THOC5: variants seen among roughly 807,000 people sequenced by gnomAD.
THOC5 encodes the protein Fms-interacting protein.
A neutral mutation model predicts 92.9 loss-of-function variants in THOC5; 43 were observed. The ratio of observed to expected loss-of-function variants is 0.46; its 90% CI spans 0.36 to 0.60. The LOEUF (loss-of-function observed/expected upper bound fraction) is 0.60, where lower values mean the gene tolerates loss of function less well. Ranked by LOEUF, THOC5 falls within the 20% of genes least tolerant of loss-of-function variation. The pLI is 0.00. For missense variants in THOC5, 659 were observed against 849.4 expected, an observed-to-expected ratio of 0.78 and a Z score of 2.79; for synonymous variants, 296 against 320.1, an observed-to-expected ratio of 0.92 and a Z score of 0.80.
intron 9 of THOC5, chr22:29,528,802 G>A (rs2063595706): frequency 2.0e-6 from 1 of 501,028 alleles, no homozygotes; most frequent in Admixed American, 3.6e-5. Flanking sequence ...CATAACTTGA[G>A]GGGGTACTAT....
intron 17 of THOC5, among the ~76,000 whole-genome samples, 165 bp from the exon 18 acceptor site, chr22:29,512,301 T>C (rs943916468): frequency 2.0e-5 from 3 of 152,200 alleles, no homozygotes; most frequent in African/African-American, 7.2e-5. Context: ...CTAAGTGGAA[T>C]TGCCAGCTTG....
At chr22:29,536,487 G>A in intron 7 of THOC5, 137 bp downstream of exon 7, 1 of 613,944 alleles carries the variant, frequency 1.6e-6, no homozygotes, top group Non-Finnish European at 2.9e-6. Flanking sequence ...CACCAACTGG[G>A]TAGGGATGCA....
intron 7 of THOC5, chr22:29,535,237 TG>T (rs2063735907): frequency 7.7e-6 from 1 of 129,964 alleles, no homozygotes; most frequent in East Asian, 2.3e-4. Flanking sequence ...CACTCCAGCC[TG>T]TGCGACAGAG....
At chr22:29,528,330 C>T in intron 10 of THOC5, 96 bp downstream of exon 10, 1 of 1,614,026 alleles carries the variant, frequency 6.2e-7, no homozygotes, top group African/African-American at 1.3e-5. Context: ...CCTTCTTTCA[C>T]ACCTCTTCTG....
chr22:29,517,334 G>A lies in THOC5; in HGVS notation c.1522C>T (p.Gln508Ter). The A allele has an allele frequency of 6.2e-7, 1 of 1,614,204 alleles. No individual in the cohort carries two copies. The highest frequency in any genetic ancestry group is 8.5e-7 in the Non-Finnish European group (1 of 1,180,038). ...ACAACCTTGGCAGGGAAGAGGTACT[G>A]GCAATCACTGGTAACTGGCACAATG... ...HGIVPVTSDC[Q>*]YLFPAKVVSR... is the part of the protein sequence containing the mutation. The change falls in exon 16 of 20, where the codon CAG becomes TAG. Residue 508 changes from glutamine to a stop codon, truncating the protein, a stop_gained. Coordinates refer to ENST00000490103, the MANE Select transcript of THOC5 (RefSeq NM_003678.5). LOFTEE classifies it high-confidence loss of function.
At chr22:29,529,120 G>C in intron 9 of THOC5, 42 bp downstream of exon 9, 1 of 1,600,030 alleles carries the variant, frequency 6.2e-7, no homozygotes, top group Non-Finnish European at 8.6e-7. Flanking sequence ...CTTGGATGGT[G>C]ACCTGGTGTC....
rs1429301483 is a variant in THOC5, at chr22:29,539,416, T to C, written c.513A>G (p.Pro171=). Reference sequence around the variant, plus strand: ...TGGTGACTTCGGCCTTGCTGATATCTGGTGGAGCCTCCTTATAAAACTCCT... The same window carrying C: ...TGGTGACTTCGGCCTTGCTGATATCCGGTGGAGCCTCCTTATAAAACTCCT... The part of the protein sequence containing the change: ...SLEEFYKEAP[P]DISKAEVTMG... Residue 171 remains proline, a synonymous_variant, in exon 6 of 20, where the codon CCA becomes CCG. Transcript: ENST00000490103. 6.2e-7 allele frequency: 1 copy of C among 1,614,166 alleles called. No homozygotes were observed. The highest frequency in any genetic ancestry group is 8.5e-7 in the Non-Finnish European group (1 of 1,179,994).
At chr22:29,512,536 C>G (rs1012559650) in intron 17 of THOC5, among the ~76,000 whole-genome samples, 3 of 152,202 alleles carry the variant, frequency 2.0e-5, no homozygotes, top group Admixed American at 6.5e-5. Context: ...TCAACTATCA[C>G]ATCAAATATA....
chr22:29,532,014 A>C (rs1290491698), intron 7 of THOC5, 51 bp from the exon 8 acceptor site: 3 of 1,592,290 alleles, frequency 1.9e-6, no homozygotes, highest in Non-Finnish European at 2.6e-6. Flanking sequence ...CAGTCCACAC[A>C]GGAAAAAGTG....
In THOC5 at chr22:29,522,874, G is replaced by A. The variant is rs563445484; in HGVS notation, c.1176-1775C>T. Among the ~76,000 whole-genome samples, 94 of 152,202 alleles carry A rather than the reference G, an allele frequency of 6.2e-4. 1 individual carries two copies. Among genetic ancestry groups the A allele is most frequent in the Middle Eastern group, 3.4e-3 (1 of 294 alleles). On this transcript the variant is annotated intron_variant, in intron 12 of 19. Coordinates refer to ENST00000490103, the MANE Select transcript of THOC5 (RefSeq NM_003678.5). ...AAATTAGCCCAGCATGGTGGCACGCGCCTGTAGTCCCAGCTACTTGGGAGG... is the reference window on the plus strand; with the variant it reads ...AAATTAGCCCAGCATGGTGGCACGCACCTGTAGTCCCAGCTACTTGGGAGG...
At position 29,536,741 on chromosome 22, in the gene THOC5, G is replaced by T. The variant is rs369686336; in HGVS notation, c.600-3C>A. On this transcript the variant is annotated splice_region_variant and splice_polypyrimidine_tract_variant and intron_variant, in intron 6 of 19. Coordinates refer to ENST00000490103, the MANE Select transcript of THOC5 (RefSeq NM_003678.5). ...ACTCTCGGTACTTCTCTGCCAGCCT[G>T]TTGGGGGAGGAAAGAGCATTGTCAC... 4.2e-5 allele frequency: 66 copies of T among 1,560,726 alleles called. No homozygotes were observed. The African/African-American group carries it at 8.2e-4, about 19-fold the overall frequency.
At chr22:29,519,884 T>A in intron 14 of THOC5, 124 bp downstream of exon 14, 1 of 608,564 alleles carries the variant, frequency 1.6e-6, no homozygotes, top group Non-Finnish European at 2.6e-6. Context: ...TCCACCTGCC[T>A]CAGCCTCCCA....
intron 18 of THOC5, 24 bp downstream of exon 18, chr22:29,511,997 C>T (rs2063232963): frequency 6.2e-7 from 1 of 1,605,878 alleles, no homozygotes; most frequent in African/African-American, 1.3e-5. Context: ...CCTGCTCCTC[C>T]TGTCATCCCC....
At chr22:29,541,606 A>C (rs1383665797) in intron 5 of THOC5, among the ~76,000 whole-genome samples, 1 of 151,324 alleles carries the variant, frequency 6.6e-6, no homozygotes, top group African/African-American at 2.4e-5. Context: ...TCACGCCTGT[A>C]ATCCCAGCAC....
intron 12 of THOC5, among the ~76,000 whole-genome samples, chr22:29,521,779 T>G (rs1312889330): frequency 6.6e-6 from 1 of 152,138 alleles, no homozygotes; most frequent in African/African-American, 2.4e-5. Flanking sequence ...AGAGATAATG[T>G]GGGAGGGTAA....
At chr22:29,542,543 C>T (rs2063919580) in intron 5 of THOC5, among the ~76,000 whole-genome samples, 1 of 152,134 alleles carries the variant, frequency 6.6e-6, no homozygotes, top group African/African-American at 2.4e-5. Flanking sequence ...GCGGGAGGAC[C>T]ACCTGAGGTC....
intron 1 of THOC5, among the ~76,000 whole-genome samples, chr22:29,551,474 T>C (rs2064142491): frequency 6.6e-6 from 1 of 152,002 alleles, no homozygotes; most frequent in South Asian, 2.1e-4. Context: ...ACACCATGGC[T>C]CACACCTGTA....
chr22:29,527,422 AAAACAAAC>A (rs377088283), intron 11 of THOC5, among the ~76,000 whole-genome samples: 1 of 152,086 alleles, frequency 6.6e-6, no homozygotes, highest in Non-Finnish European at 1.5e-5. Flanking sequence ...CCTATCTCTA[AAAACAAAC>A]AAACAAACAA....
intron 3 of THOC5, among the ~76,000 whole-genome samples, chr22:29,543,814 T>C (rs1355943741): frequency 6.6e-6 from 1 of 152,028 alleles, no homozygotes; most frequent in Non-Finnish European, 1.5e-5. Flanking sequence ...TCTCTACAGA[T>C]CCTACACAGA....
Sources: gnomAD v4.1 joint callset for allele counts (sites outside exome capture counted in the v4.1 genomes callset) on GRCh38, gnomAD v4.1.1 for gene constraint, MANE v1.5 for transcripts, NCBI Gene and HGNC (gene_info 2026-07-23, HGNC 2026-07-21) for gene names.